ADGRG5: variants seen among roughly 807,000 people sequenced by gnomAD.
ADGRG5 encodes the protein G protein-coupled receptor 114.
Under a neutral mutation model 53.2 loss-of-function variants are expected in ADGRG5, and 37 were observed. That is an observed-to-expected ratio of 0.70 (90% CI 0.53 to 0.91). The LOEUF is 0.91. Ranked by LOEUF, ADGRG5 falls within the 40% of genes least tolerant of loss-of-function variation. The pLI is 0.00. For missense variants in ADGRG5, 614 were observed against 675.8 expected, an observed-to-expected ratio of 0.91 and a Z score of 1.01; for synonymous variants, 277 against 290.4, an observed-to-expected ratio of 0.95 and a Z score of 0.47.
At chr16:57,542,027 A>G (rs1298784774), upstream of ADGRG5, among the ~76,000 whole-genome samples, 1 of 152,152 alleles carries the variant, frequency 6.6e-6, no homozygotes, top group Non-Finnish European at 1.5e-5. Context: ...GGCTTCATAG[A>G]GCACTTCCAG....
chr16:57,533,852 C>T, the ADGRG5 span, among the ~76,000 whole-genome samples: 2 of 152,190 alleles, frequency 1.3e-5, no homozygotes, highest in African/African-American at 2.4e-5. Flanking sequence ...CTGCCCTGCC[C>T]GCCCCTTCCA....
intron 1 of ADGRG5, among the ~76,000 whole-genome samples, chr16:57,560,856 C>T (rs1445678670): frequency 1.1e-4 from 17 of 152,266 alleles, no homozygotes; most frequent in African/African-American, 4.1e-4. Context: ...ATGATTTTGA[C>T]TCACTGCAGC....
rs1426596263 is a variant in ADGRG5 at position 57,576,296 on chromosome 16, C to T, written c.*758C>T. 6.6e-6 allele frequency: 1 copy of T among 152,224 alleles called. No homozygotes were observed. The highest frequency in any genetic ancestry group is 2.4e-5 in the African/African-American group (1 of 41,456). 9.4% of individuals were successfully genotyped at this position (152,224 alleles called of 1,614,324 possible). A position where few individuals can be genotyped will look rare whatever the true frequency, so the allele number is the denominator to read the frequency against. ...TCCTCCTGCGGTGCTCCCAAGACTT[C>T]CATAGACCATCTGGACCAGTAGCCC... On this transcript the variant is annotated 3_prime_UTR_variant, in exon 12 of 12. Coordinates refer to ENST00000349457, the MANE Select transcript of ADGRG5 (RefSeq NM_001304376.3).
intron 7 of ADGRG5, among the ~76,000 whole-genome samples, chr16:57,567,163 CAGA>C (rs1201624983): frequency 6.6e-6 from 1 of 152,196 alleles, no homozygotes; most frequent in Non-Finnish European, 1.5e-5. Flanking sequence ...TCGCTATAGG[CAGA>C]AGGAGGGAGG....
the ADGRG5 span, among the ~76,000 whole-genome samples, chr16:57,533,852 C>A: frequency 4.6e-5 from 7 of 152,190 alleles, no homozygotes; most frequent in African/African-American, 1.7e-4. Context: ...CTGCCCTGCC[C>A]GCCCCTTCCA....
At chr16:57,573,910 C>T (rs1223977391) in intron 10 of ADGRG5, among the ~76,000 whole-genome samples, 6 of 152,032 alleles carry the variant, frequency 3.9e-5, no homozygotes, top group Admixed American at 6.6e-5. Flanking sequence ...TTAGTACAGA[C>T]GGGGTTTCAC....
chr16:57,530,529 C>T, the ADGRG5 span, among the ~76,000 whole-genome samples: 1 of 152,244 alleles, frequency 6.6e-6, no homozygotes, highest in Non-Finnish European at 1.5e-5. Flanking sequence ...CCTGGCAGCC[C>T]TCTATGTCCC....
In ADGRG5 at chr16:57,576,760, A is replaced by C. The variant is rs533757145; in HGVS notation, c.*1222A>C. ...GTCTCTTTTCCCAATGCGGCGGTGCACTTTCGCTCTTGGGGGCTGCACCCC... is the reference window on the plus strand; with the variant it reads ...GTCTCTTTTCCCAATGCGGCGGTGCCCTTTCGCTCTTGGGGGCTGCACCCC... On this transcript the variant is annotated 3_prime_UTR_variant, in exon 12 of 12. Coordinates refer to ENST00000349457, the MANE Select transcript of ADGRG5 (RefSeq NM_001304376.3). The C allele has an allele frequency of 6.6e-6, 1 of 152,160 alleles. No individual in the cohort carries two copies. 9.4% of individuals were successfully genotyped at this position (152,160 alleles called of 1,614,324 possible). A position where few individuals can be genotyped will look rare whatever the true frequency, so the allele number is the denominator to read the frequency against.
At chr16:57,568,658 TCTCCTTCACCTCCACCACCAC>T (rs1567623457) in intron 9 of ADGRG5, among the ~76,000 whole-genome samples, 1 of 85,686 alleles carries the variant, frequency 1.2e-5, no homozygotes, top group Non-Finnish European at 2.4e-5. Flanking sequence ...ACCACCATCA[TCTCCTTCACCTCCACCACCAC>T]CTCCTCCACC....
Position 57,563,286 on chromosome 16 carries a change from C to T in ADGRG5, c.297+39C>T, listed in dbSNP as rs369151699. 54 of 1,594,562 alleles carry T rather than the reference C, an allele frequency of 3.4e-5. No homozygotes were observed. In the African/African-American group the frequency reaches 5.2e-4, roughly 15 times the overall value. On this transcript the variant is annotated intron_variant, in intron 4 of 11. Coordinates refer to ENST00000349457, the MANE Select transcript of ADGRG5 (RefSeq NM_001304376.3). ...GGTTGGGGGGTGTGGCCAGCTGCCC[C>T]GCCCTAGAAGTCCTCCAGGCATTTA...
chr16:57,563,927 C>G lies in ADGRG5; in HGVS notation c.377C>G (p.Pro126Arg), dbSNP rs150062848. Residue 126 changes from proline to arginine, a missense_variant, in exon 5 of 12, where the codon CCC becomes CGC. Transcript: ENST00000349457. ...ACCCGGGACGCCTGCAAGACCCGCCCCAGGGAGCTGCGGCTCATCTGTATC... is the reference window on the plus strand; with the variant it reads ...ACCCGGGACGCCTGCAAGACCCGCCGCAGGGAGCTGCGGCTCATCTGTATC... ...ELTRDACKTR[P>R]RELRLICIYF... 7 of 1,613,996 alleles carry G rather than the reference C, an allele frequency of 4.3e-6. No individual in the cohort carries two copies. The Admixed American group carries it at 8.3e-5, about 19-fold the overall frequency.
At chr16:57,535,386 T>G in the ADGRG5 span, among the ~76,000 whole-genome samples, 5 of 152,108 alleles carry the variant, frequency 3.3e-5, no homozygotes, top group South Asian at 6.2e-4. Context: ...TTTGAACTCC[T>G]TTCTTTACAT....
At chr16:57,563,034 T>G in intron 3 of ADGRG5, 57 bp from the exon 4 acceptor site, 1 of 1,600,968 alleles carries the variant, frequency 6.2e-7, no homozygotes, top group Non-Finnish European at 8.5e-7. Flanking sequence ...TACAGCCCCC[T>G]CTCACCCTTA....
upstream of ADGRG5, among the ~76,000 whole-genome samples, chr16:57,541,836 T>C (rs1180828929): frequency 6.6e-6 from 1 of 152,212 alleles, no homozygotes; most frequent in Admixed American, 6.5e-5. Flanking sequence ...AGGGTATGGC[T>C]GATGCAGGAC....
chr16:57,564,106 A>G (rs574310276), intron 5 of ADGRG5, 127 bp downstream of exon 5: 30 of 1,038,002 alleles, frequency 2.9e-5, no homozygotes, highest in Non-Finnish European at 4.0e-5. Context: ...CATCTGTGCA[A>G]TCCAAGCCAG....
At chr16:57,551,381 G>A (rs562943815) in intron 1 of ADGRG5, among the ~76,000 whole-genome samples, 6 of 152,274 alleles carry the variant, frequency 3.9e-5, no homozygotes, top group African/African-American at 7.2e-5. Flanking sequence ...ATTGGAGTCC[G>A]TCCTCTCAAA....
At chr16:57,532,383 A>G in the ADGRG5 span, among the ~76,000 whole-genome samples, 2 of 151,984 alleles carry the variant, frequency 1.3e-5, no homozygotes, top group African/African-American at 4.8e-5. Context: ...CACCACTGAC[A>G]CCCCAGGAGA....
the ADGRG5 span, among the ~76,000 whole-genome samples, chr16:57,530,192 C>T: frequency 6.6e-6 from 1 of 152,160 alleles, no homozygotes; most frequent in Non-Finnish European, 1.5e-5. Flanking sequence ...CTCCCTGACA[C>T]CGTGACTCAC....
In ADGRG5 at chr16:57,567,372, G is replaced by A. The variant is rs1052732337; in HGVS notation, c.700-98G>A. ...GTCCATGGCTAGGCTTGTGGGGAAG[G>A]GGACTTGGAGAGGAGGCCTCAGGAG... On this transcript the variant is annotated intron_variant, in intron 7 of 11. Transcript: ENST00000349457. 3.6e-6 allele frequency: 5 copies of A among 1,378,940 alleles called. No homozygotes were observed. The South Asian group carries it at 5.3e-5, about 14-fold the overall frequency. The allele number at this position is 1,378,940 out of a possible 1,614,324, so 85.4% of individuals were successfully genotyped here.
Sources: gnomAD v4.1 joint callset for allele counts (sites outside exome capture counted in the v4.1 genomes callset) on GRCh38, gnomAD v4.1.1 for gene constraint, MANE v1.5 for transcripts, NCBI Gene and HGNC (gene_info 2026-07-23, HGNC 2026-07-21) for gene names.